NALCN: variants seen among roughly 807,000 people sequenced by gnomAD.
The protein encoded by NALCN is sodium leak channel NALCN.
In NALCN, 111 loss-of-function variants were observed where a neutral mutation model predicts 225.3. The observed-to-expected ratio is 0.49, with a 90% CI of 0.42 to 0.58. The LOEUF (loss-of-function observed/expected upper bound fraction) is 0.58, where lower values mean the gene tolerates loss of function less well. Among genes scored for constraint, NALCN ranks in the 20% least tolerant of loss-of-function variants. NALCN has a pLI of 0.00. For missense variants in NALCN, 1,378 were observed against 2,202.4 expected (o/e 0.63, Z 7.49); for synonymous variants, 764 against 769.0 (o/e 0.99, Z 0.11).
intron 32 of NALCN, 100 bp downstream of exon 32, chr13:101,082,992 C>A: frequency 6.4e-7 from 1 of 1,551,842 alleles, no homozygotes; most frequent in East Asian, 2.3e-5. Context: ...TTTTTACACC[C>A]AAGAACATAA....
intron 3 of NALCN, among the ~76,000 whole-genome samples, chr13:101,379,004 A>G (rs1183219177): frequency 3.3e-5 from 5 of 152,160 alleles, no homozygotes; most frequent in Non-Finnish European, 7.4e-5. Context: ...ACAAGAACCA[A>G]GAGTGCACTG....
chr13:101,294,216 A>G (rs1358887015), intron 7 of NALCN, among the ~76,000 whole-genome samples: 1 of 152,190 alleles, frequency 6.6e-6, no homozygotes, highest in Admixed American at 6.5e-5. Context: ...ATTAATGGGT[A>G]CAAACATAGA....
At chr13:101,074,072 G>C (rs1347467802) in intron 36 of NALCN, among the ~76,000 whole-genome samples, 1 of 151,916 alleles carries the variant, frequency 6.6e-6, no homozygotes, top group Non-Finnish European at 1.5e-5. Flanking sequence ...ATAAAACTTA[G>C]GCAAATCGTT....
At chr13:101,343,665 T>C (rs2045627236) in intron 7 of NALCN, among the ~76,000 whole-genome samples, 1 of 152,194 alleles carries the variant, frequency 6.6e-6, no homozygotes, top group Non-Finnish European at 1.5e-5. Flanking sequence ...ACAGCTATAG[T>C]AAGATAATTG....
At chr13:101,275,137 C>A (rs1293118464) in intron 10 of NALCN, among the ~76,000 whole-genome samples, 1 of 152,188 alleles carries the variant, frequency 6.6e-6, no homozygotes, top group Non-Finnish European at 1.5e-5. Flanking sequence ...CCCCACGCAA[C>A]TTCATTTTTT....
intron 11 of NALCN, among the ~76,000 whole-genome samples, chr13:101,244,175 A>AC (rs1415781701): frequency 3.4e-4 from 12 of 35,128 alleles, no homozygotes; most frequent in Non-Finnish European, 7.8e-4. Context: ...TTTTCATTCC[A>AC]AAAAAAAAGA....
At chr13:101,275,525 G>A (rs1219255977) in intron 10 of NALCN, among the ~76,000 whole-genome samples, 3 of 152,092 alleles carry the variant, frequency 2.0e-5, no homozygotes, top group South Asian at 2.1e-4. Context: ...GTCCTGTCGC[G>A]TACCACTGGT....
intron 28 of NALCN, among the ~76,000 whole-genome samples, chr13:101,091,646 A>G (rs1293974649): frequency 1.3e-5 from 2 of 152,180 alleles, no homozygotes; most frequent in Non-Finnish European, 2.9e-5. Flanking sequence ...GTTTCCACTA[A>G]ATTTCATATA....
intron 10 of NALCN, among the ~76,000 whole-genome samples, chr13:101,274,736 A>G (rs1422480501): frequency 6.6e-6 from 1 of 152,214 alleles, no homozygotes; most frequent in Non-Finnish European, 1.5e-5. Flanking sequence ...TAAAGAAACT[A>G]TCTTATACAG....
intron 7 of NALCN, among the ~76,000 whole-genome samples, chr13:101,314,366 T>C (rs939757880): frequency 6.6e-6 from 1 of 152,102 alleles, no homozygotes; most frequent in South Asian, 2.1e-4. Flanking sequence ...CATTAGGCAT[T>C]AGCTAGCTGC....
chr13:101,063,048 A>G (rs1276411695), intron 40 of NALCN, among the ~76,000 whole-genome samples: 1 of 152,240 alleles, frequency 6.6e-6, no homozygotes, highest in Non-Finnish European at 1.5e-5. Flanking sequence ...AGCTCCCAGG[A>G]TGCCTGGACT....
intron 15 of NALCN, among the ~76,000 whole-genome samples, chr13:101,162,045 C>T (rs2139871210): frequency 6.6e-6 from 1 of 152,288 alleles, no homozygotes; most frequent in East Asian, 1.9e-4. Context: ...GTGCTCCCCT[C>T]CCCTGACCCA....
chr13:101,292,220 G>A lies in NALCN; in HGVS notation c.942+4C>T. The stretch of plus-strand genomic sequence containing the variant: ...GACTTTCTTAGTACAATTCTTCGCA[G>A]TACCTTCACAAGCCAGGCGAGGAAG... On this transcript the variant is annotated splice_donor_region_variant and intron_variant, in intron 8 of 43. Transcript: ENST00000251127. The surrounding 1 kb of genome is among the most constrained non-coding windows in gnomAD (Gnocchi z 4.3). 1 of 1,613,908 alleles carries A rather than the reference G, an allele frequency of 6.2e-7. No homozygotes were observed. Among genetic ancestry groups the A allele is most frequent in the East Asian group, 2.2e-5 (1 of 44,844 alleles).
At chr13:101,194,870 G>A (rs896770221) in intron 13 of NALCN, among the ~76,000 whole-genome samples, 15 of 152,278 alleles carry the variant, frequency 9.9e-5, no homozygotes, top group Admixed American at 5.2e-4. Flanking sequence ...CAGTTGTGGT[G>A]ATGGTCACCT....
At chr13:101,175,469 G>A (rs2038922924) in intron 15 of NALCN, among the ~76,000 whole-genome samples, 1 of 152,144 alleles carries the variant, frequency 6.6e-6, no homozygotes, top group Non-Finnish European at 1.5e-5. Flanking sequence ...GAAAGTTTCA[G>A]AGCCATGGTT....
At chr13:101,327,810 A>G (rs537149499) in intron 7 of NALCN, among the ~76,000 whole-genome samples, 11 of 152,320 alleles carry the variant, frequency 7.2e-5, no homozygotes, top group African/African-American at 2.6e-4. Flanking sequence ...CAGCTGTGGG[A>G]AGATAGAATC....
chr13:101,206,773 T>C (rs577164805), intron 13 of NALCN, among the ~76,000 whole-genome samples: 1 of 151,272 alleles, frequency 6.6e-6, no homozygotes, highest in African/African-American at 2.4e-5. Flanking sequence ...TGTATATATT[T>C]TGTTTTGTAA....
chr13:101,080,027 T>C (rs902921363), intron 34 of NALCN, among the ~76,000 whole-genome samples: 2 of 152,204 alleles, frequency 1.3e-5, no homozygotes, highest in African/African-American at 4.8e-5. Flanking sequence ...AAGAAGGTAA[T>C]TATAATAATG....
At chr13:101,369,935 A>G (rs1488639396) in intron 6 of NALCN, among the ~76,000 whole-genome samples, 2 of 151,990 alleles carry the variant, frequency 1.3e-5, no homozygotes, top group East Asian at 3.9e-4. Context: ...TTCTGCTTAA[A>G]CTTTGTTTTT....
Sources: gnomAD v4.1 joint callset for allele counts (sites outside exome capture counted in the v4.1 genomes callset) on GRCh38, gnomAD v4.1.1 for gene constraint, Gnocchi (gnomAD v3.1) non-coding constraint, MANE v1.5 for transcripts, NCBI Gene and HGNC (gene_info 2026-07-23, HGNC 2026-07-21) for gene names.